Variants in CHSY1 observed in about 807,000 individuals in gnomAD.
CHSY1 encodes the protein chondroitin sulfate synthase 1.
A neutral mutation model predicts 59.8 loss-of-function variants in CHSY1; 13 were observed. That is an observed-to-expected ratio of 0.22 (90% CI 0.14 to 0.35). CHSY1 has a LOEUF of 0.35. CHSY1 is among the 10% of genes least tolerant of loss of function. The pLI is 1.00. For synonymous variants in CHSY1, 459 were observed against 401.2 expected, an observed-to-expected ratio of 1.14 and a Z score of -1.72; for missense variants, 947 against 1,030.6, an observed-to-expected ratio of 0.92 and a Z score of 1.11.
chr15:101,224,669 C>T (rs1346314919), intron 2 of CHSY1, among the ~76,000 whole-genome samples: 1 of 152,166 alleles, frequency 6.6e-6, no homozygotes, highest in East Asian at 1.9e-4. Flanking sequence ...TGAGAAACTC[C>T]CACCTGGTCT....
At chr15:101,182,779 A>T (rs2038298181) in intron 2 of CHSY1, among the ~76,000 whole-genome samples, 1 of 152,206 alleles carries the variant, frequency 6.6e-6, no homozygotes, top group Non-Finnish European at 1.5e-5. Flanking sequence ...TACAGCAAAG[A>T]CACTAGTTTT....
intron 2 of CHSY1, among the ~76,000 whole-genome samples, chr15:101,185,371 G>A (rs1189560054): frequency 6.7e-6 from 1 of 149,840 alleles, no homozygotes; most frequent in African/African-American, 2.5e-5. Flanking sequence ...AGGCTCCAGG[G>A]CCATGGGACC....
intron 2 of CHSY1, among the ~76,000 whole-genome samples, chr15:101,234,026 A>T (rs554936646): frequency 6.6e-6 from 1 of 152,180 alleles, no homozygotes; most frequent in Non-Finnish European, 1.5e-5. Context: ...AACCTCAATA[A>T]TTTTTTTCAC....
intron 2 of CHSY1, among the ~76,000 whole-genome samples, chr15:101,205,718 G>A (rs2038617451): frequency 6.6e-6 from 1 of 152,186 alleles, no homozygotes; most frequent in Non-Finnish European, 1.5e-5. Flanking sequence ...TTGGGAGGCT[G>A]AGGTGGGTGG....
At chr15:101,215,078 A>C (rs2038718292) in intron 2 of CHSY1, among the ~76,000 whole-genome samples, 1 of 152,094 alleles carries the variant, frequency 6.6e-6, no homozygotes, top group Non-Finnish European at 1.5e-5. Context: ...CATGATTGTA[A>C]GTTTCCTGAG....
At position 101,235,404 on chromosome 15, in the gene CHSY1, T is replaced by C. The variant is rs2038931338; in HGVS notation, c.494A>G (p.Glu165Gly). Reference sequence around the variant, plus strand: ...GTCATCATCTGCTCTCATAAACCATTCATACTTGTCCAAGTAGTGGTCGTG... The same window carrying C: ...GTCATCATCTGCTCTCATAAACCATCCATACTTGTCCAAGTAGTGGTCGTG... ...YMHDHYLDKY[E>G]WFMRADDDVY... The change falls in exon 2 of 3, where the codon GAA becomes GGA. Residue 165 changes from glutamate to glycine, a missense_variant. Glu to Gly is a moderately conservative substitution (Grantham distance 98). Transcript: ENST00000254190. The C allele has an allele frequency of 1.2e-6, 2 of 1,613,980 alleles. No individual in the cohort carries two copies. Among genetic ancestry groups the C allele is most frequent in the Non-Finnish European group, 1.7e-6 (2 of 1,180,028 alleles).
intron 2 of CHSY1, among the ~76,000 whole-genome samples, chr15:101,201,098 C>CT (rs1207590404): frequency 1.6e-5 from 2 of 124,006 alleles, no homozygotes; most frequent in African/African-American, 3.0e-5. Context: ...CAGAGTGTGT[C>CT]TATAGGTGGG....
rs2141233059 is a variant in CHSY1 at position 101,176,334 on chromosome 15, C to T, written c.*1054G>A. Reference sequence around the variant, plus strand: ...ACAGACAGGATGAAAGGAACAAAACCAAATACATTTTTCCCCAACGTTTTG... The same window carrying T: ...ACAGACAGGATGAAAGGAACAAAACTAAATACATTTTTCCCCAACGTTTTG... On this transcript the variant is annotated 3_prime_UTR_variant, in exon 3 of 3. Transcript: ENST00000254190. 5.0e-6 allele frequency: 2 copies of T among 398,488 alleles called. No individual in the cohort carries two copies. The highest frequency in any genetic ancestry group is 8.8e-6 in the Non-Finnish European group (2 of 226,034). The allele number at this position is 398,488 out of a possible 1,614,324, so 24.7% of individuals were successfully genotyped here. A position where few individuals can be genotyped will look rare whatever the true frequency, so the allele number is the denominator to read the frequency against.
At chr15:101,233,875 C>T (rs754280517) in intron 2 of CHSY1, among the ~76,000 whole-genome samples, 2 of 152,194 alleles carry the variant, frequency 1.3e-5, no homozygotes, top group Non-Finnish European at 2.9e-5. Context: ...CTCTTTCACT[C>T]AAGTACGTGC....
chr15:101,177,436 T>C lies in CHSY1; in HGVS notation c.2361A>G (p.Pro787=), dbSNP rs762824677. The stretch of plus-strand genomic sequence containing the variant: ...TATTATTGCTGCTTTTACTGTAACT[T>C]GGATCATTTTTTTCCAGCCACATCT... ...LAEMWLEKND[P]SYSKSSNNNG... The change falls in exon 3 of 3, where the codon CCA becomes CCG. Residue 787 remains proline, a synonymous_variant. Transcript: ENST00000254190. The C allele has an allele frequency of 8.1e-6, 13 of 1,613,598 alleles. No homozygotes were observed. The highest frequency in any genetic ancestry group is 1.7e-4 in the Middle Eastern group (1 of 6,058).
At chr15:101,232,711 G>C (rs1596451367) in intron 2 of CHSY1, among the ~76,000 whole-genome samples, 4 of 152,314 alleles carry the variant, frequency 2.6e-5, no homozygotes, top group South Asian at 2.1e-4. Context: ...TCTGAGAAAA[G>C]ATACTCTATC....
At chr15:101,200,958 T>G (rs1047080536) in intron 2 of CHSY1, among the ~76,000 whole-genome samples, 9 of 152,170 alleles carry the variant, frequency 5.9e-5, no homozygotes, top group Non-Finnish European at 7.4e-5. Flanking sequence ...CCTCGCCATG[T>G]GTGCGAAGTC....
chr15:101,244,561 GA>G (rs1201703312), intron 1 of CHSY1, among the ~76,000 whole-genome samples: 1 of 152,090 alleles, frequency 6.6e-6, no homozygotes, highest in Non-Finnish European at 1.5e-5. Context: ...GCTTACTGTA[GA>G]AAAACCAGAA....
At chr15:101,242,356 T>G (rs2039011132) in intron 1 of CHSY1, among the ~76,000 whole-genome samples, 1 of 152,236 alleles carries the variant, frequency 6.6e-6, no homozygotes, top group Non-Finnish European at 1.5e-5. Context: ...CAAAGTGCTC[T>G]TGTGCTGAGA....
At chr15:101,194,471 A>C (rs2038484206) in intron 2 of CHSY1, among the ~76,000 whole-genome samples, 1 of 152,224 alleles carries the variant, frequency 6.6e-6, no homozygotes, top group African/African-American at 2.4e-5. Context: ...TTTCTAAACT[A>C]ATTTTAGATC....
At chr15:101,241,964 A>G (rs1596455394) in intron 1 of CHSY1, among the ~76,000 whole-genome samples, 2 of 152,216 alleles carry the variant, frequency 1.3e-5, no homozygotes, top group African/African-American at 4.8e-5. Context: ...TAGTCTCTAG[A>G]TTACTCATAA....
At chr15:101,250,275 T>C (rs116597635) in intron 1 of CHSY1, among the ~76,000 whole-genome samples, 436 of 152,330 alleles carry the variant, frequency 2.9e-3, no homozygotes, top group African/African-American at 0.01. Context: ...TTCACACATA[T>C]AGGGTTTCCA....
chr15:101,223,938 T>TA (rs2038814356), intron 2 of CHSY1, among the ~76,000 whole-genome samples: 1 of 152,268 alleles, frequency 6.6e-6, no homozygotes, highest in Non-Finnish European at 1.5e-5. Context: ...ACTGACCCCT[T>TA]AGACTGTGGT....
At chr15:101,225,488 G>C (rs965761233) in intron 2 of CHSY1, among the ~76,000 whole-genome samples, 9 of 152,130 alleles carry the variant, frequency 5.9e-5, no homozygotes, top group African/African-American at 1.9e-4. Flanking sequence ...GTTGGAGGTG[G>C]GTCCTGGTGG....
Sources: allele counts gnomAD v4.1 joint callset (sites outside exome capture counted in the v4.1 genomes callset), GRCh38; gene constraint gnomAD v4.1.1; transcripts MANE v1.5; gene names NCBI Gene and HGNC (gene_info 2026-07-23, HGNC 2026-07-21).